The following SLC4A7 variants were observed in gnomAD, a reference collection of about 807,000 sequenced individuals.
SLC4A7 encodes solute carrier family 4 member 7.
A neutral mutation model predicts 137.6 loss-of-function variants in SLC4A7; 51 were observed. The observed-to-expected ratio is 0.37, with a 90% CI of 0.30 to 0.47. The LOEUF (loss-of-function observed/expected upper bound fraction) is 0.47. SLC4A7 is among the 20% of genes least tolerant of loss of function. The probability of loss-of-function intolerance (pLI) is 1.00; values close to 1 mark genes in which losing one functional copy is unlikely to be tolerated. For synonymous variants in SLC4A7, 542 were observed against 518.6 expected (o/e 1.05, Z -0.61); for missense variants, 1,247 against 1,525.4 (o/e 0.82, Z 3.04).
intron 25 of SLC4A7, among the ~76,000 whole-genome samples, chr3:27,377,703 A>G (rs1292339998): frequency 6.6e-6 from 1 of 152,130 alleles, no homozygotes; most frequent in African/African-American, 2.4e-5. Context: ...AACCTATTCT[A>G]TATTTTCAAG....
Position 27,418,697 on chromosome 3 carries a change from C to A in SLC4A7, c.1513-65G>T, listed in dbSNP as rs2054632439. 8 of 938,292 alleles carry A rather than the reference C, an allele frequency of 8.5e-6. No individual in the cohort carries two copies. In the South Asian group the frequency reaches 1.3e-4, roughly 15 times the overall value. 58.1% of individuals were successfully genotyped at this position (938,292 alleles called of 1,614,324 possible). A position where few individuals can be genotyped will look rare whatever the true frequency, so the allele number is the denominator to read the frequency against. On this transcript the variant is annotated intron_variant, in intron 10 of 25. Transcript: ENST00000454389. ...AAAAAAATTTCTACACATAGTAAAT[C>A]CACTCTGGATATCATAAATAGCTTC...
At position 27,380,829 on chromosome 3, in the gene SLC4A7, C is replaced by A. The variant is rs145615326; in HGVS notation, c.3591-1473G>T. 2.5e-4 allele frequency among the ~76,000 whole-genome samples: 38 copies of A among 152,212 alleles called. No homozygotes were observed. The East Asian group carries it at 6.9e-3, about 28-fold the overall frequency. On this transcript the variant is annotated intron_variant, in intron 24 of 25. Transcript: ENST00000454389. ...CCATCCAACTTGAAACTTTGCCTAC[C>A]CCGAGTAAACATTTATTCACTTGGT...
intron 24 of SLC4A7, among the ~76,000 whole-genome samples, chr3:27,381,281 T>C (rs1316004016): frequency 6.6e-6 from 1 of 152,122 alleles, no homozygotes. Flanking sequence ...ATAATTACAC[T>C]GAAAAAGTGA....
intron 20 of SLC4A7, among the ~76,000 whole-genome samples, chr3:27,392,514 A>G (rs2051672614): frequency 6.6e-6 from 1 of 152,198 alleles, no homozygotes; most frequent in Non-Finnish European, 1.5e-5. Context: ...GACACTGGAA[A>G]AAAAGAAAAC....
intron 22 of SLC4A7, among the ~76,000 whole-genome samples, chr3:27,389,531 G>A (rs576751201): frequency 7.9e-4 from 120 of 151,896 alleles, no homozygotes; most frequent in Middle Eastern, 6.8e-3. Flanking sequence ...TAAAGTCATC[G>A]GTAGCCTTCA....
intron 1 of SLC4A7, among the ~76,000 whole-genome samples, chr3:27,483,704 C>CG (rs1164325682): frequency 1.3e-5 from 2 of 152,204 alleles, no homozygotes; most frequent in Non-Finnish European, 2.9e-5. Flanking sequence ...ACCGGGACCC[C>CG]GCCTGGGGAG....
intron 1 of SLC4A7, among the ~76,000 whole-genome samples, chr3:27,454,361 G>A (rs755555804): frequency 6.6e-6 from 1 of 152,130 alleles, no homozygotes; most frequent in African/African-American, 2.4e-5. Flanking sequence ...AGCTACTCAG[G>A]AGGCTGAGGC....
chr3:27,455,426 C>T (rs1011000983), intron 1 of SLC4A7, among the ~76,000 whole-genome samples: 1 of 152,106 alleles, frequency 6.6e-6, no homozygotes. Context: ...GGGGAAAAGG[C>T]TTGATGGGAT....
At chr3:27,466,248 G>C (rs968499999) in intron 1 of SLC4A7, among the ~76,000 whole-genome samples, 1 of 151,302 alleles carries the variant, frequency 6.6e-6, no homozygotes, top group Non-Finnish European at 1.5e-5. Context: ...TCAGGAGATC[G>C]AGACCATCCT....
Position 27,424,069 on chromosome 3 carries a change from T to G in SLC4A7, c.1234A>C (p.Ser412Arg). ...GEIKGNGSGG[S>R]RENSTVDFSK... ...AAGTCAACAGTACTATTTTCTCTGC[T>G]TCCACCACTTCCATTACCTTTAATT... Residue 412 changes from serine (S) to arginine (R), a missense_variant, in exon 8 of 26, where the codon AGC (serine) becomes CGC (arginine). Physicochemically the swap from Ser to Arg is moderately radical, Grantham distance 110 (BLOSUM62 -1). This residue lies in a region of SLC4A7 where 499 missense variants were observed against 664.2 expected (regional missense o/e 0.75). Transcript: ENST00000454389. The G allele has an allele frequency of 5.0e-6, 8 of 1,609,306 alleles. No individual in the cohort carries two copies. The highest frequency in any genetic ancestry group is 6.8e-6 in the Non-Finnish European group (8 of 1,176,116).
chr3:27,433,464 T>C (rs887003427), intron 6 of SLC4A7, among the ~76,000 whole-genome samples: 15 of 152,014 alleles, frequency 9.9e-5, no homozygotes, highest in Non-Finnish European at 2.9e-5. Context: ...AGTAGAAAGG[T>C]GGAATATGTA....
chr3:27,396,898 T>C (rs1451375003), intron 18 of SLC4A7, among the ~76,000 whole-genome samples: 3 of 152,232 alleles, frequency 2.0e-5, no homozygotes, highest in Admixed American at 6.5e-5. Flanking sequence ...ATTTTTCTTA[T>C]AGAACACACT....
chr3:27,420,442 G>C (rs180942144), intron 10 of SLC4A7, among the ~76,000 whole-genome samples: 291 of 151,918 alleles, frequency 1.9e-3, no homozygotes, highest in African/African-American at 6.8e-3. Flanking sequence ...CCAAAATTTC[G>C]AAAGTTCAAG....
At chr3:27,383,545 G>C (rs535787979) in intron 23 of SLC4A7, among the ~76,000 whole-genome samples, 89 of 152,212 alleles carry the variant, frequency 5.8e-4, no homozygotes, top group African/African-American at 2.1e-3. Context: ...TATTATGTAG[G>C]TTTATAATGA....
intron 24 of SLC4A7, among the ~76,000 whole-genome samples, chr3:27,380,803 G>A (rs2050347438): frequency 1.3e-5 from 2 of 152,168 alleles, no homozygotes; most frequent in South Asian, 4.1e-4. Context: ...TAATGGCATA[G>A]CCATCCAACT....
intron 3 of SLC4A7, among the ~76,000 whole-genome samples, chr3:27,442,881 T>A (rs966620180): frequency 2.0e-5 from 3 of 152,100 alleles, no homozygotes; most frequent in African/African-American, 7.2e-5. Context: ...GGGGCCAGGC[T>A]GTTCCCCTCT....
At chr3:27,446,866 T>TC (rs2057678141) in intron 3 of SLC4A7, among the ~76,000 whole-genome samples, 1 of 82,564 alleles carries the variant, frequency 1.2e-5, no homozygotes, top group South Asian at 4.9e-4. Context: ...CTTAGTAGAG[T>TC]TTTTTTTTGT....
At chr3:27,415,766 G>C (rs182678515) in intron 11 of SLC4A7, among the ~76,000 whole-genome samples, 164 of 152,152 alleles carry the variant, frequency 1.1e-3, no homozygotes, top group Admixed American at 3.5e-3. Flanking sequence ...TTTCTTGGTC[G>C]TATCAGAATC....
intron 1 of SLC4A7, among the ~76,000 whole-genome samples, chr3:27,452,779 CA>C (rs2058160105): frequency 1.3e-5 from 2 of 152,134 alleles, no homozygotes; most frequent in Admixed American, 1.3e-4. Flanking sequence ...ATTTCATCCT[CA>C]AAAGACAGAC....
Sources: allele counts gnomAD v4.1 joint callset (sites outside exome capture counted in the v4.1 genomes callset), GRCh38; gene constraint gnomAD v4.1.1; regional missense constraint gnomAD v4.1.1; transcripts MANE v1.5; gene names NCBI Gene and HGNC (gene_info 2026-07-23, HGNC 2026-07-21).